SFI1: variants seen among roughly 807,000 people sequenced by gnomAD.
SFI1 encodes protein SFI1 homolog.
Under a neutral mutation model 207.5 loss-of-function variants are expected in SFI1, and 195 were observed. The observed-to-expected ratio is 0.94, with a 90% CI of 0.84 to 1.06. The LOEUF is 1.06. SFI1 is among the 50% of genes least tolerant of loss of function. SFI1 has a pLI of 0.00. For missense variants in SFI1, 1,634 were observed against 1,588.0 expected, an observed-to-expected ratio of 1.03 and a Z score of -0.49; for synonymous variants, 630 against 598.9, an observed-to-expected ratio of 1.05 and a Z score of -0.76.
intron 22 of SFI1, 24 bp downstream of exon 22, chr22:31,608,057 T>C (rs1450329759): frequency 6.3e-7 from 1 of 1,592,786 alleles, no homozygotes; most frequent in South Asian, 1.1e-5. Flanking sequence ...CAGAAGCAAG[T>C]CATGTTGAGG....
At chr22:31,602,400 C>A in intron 16 of SFI1, 107 bp downstream of exon 16, 1 of 1,233,148 alleles carries the variant, frequency 8.1e-7, no homozygotes, top group Non-Finnish European at 1.2e-6. Context: ...CACTGGAGGG[C>A]CCCTGCCTGT....
intron 1 of SFI1, among the ~76,000 whole-genome samples, chr22:31,499,319 C>T (rs1480753140): frequency 6.6e-6 from 1 of 152,096 alleles, no homozygotes; most frequent in Non-Finnish European, 1.5e-5. Flanking sequence ...CTCAGCCTCC[C>T]GAGTAGCTGG....
rs1361782349 is a variant in SFI1 at position 31,532,390 on chromosome 22, A to G, written c.338+1261A>G. 5.3e-5 allele frequency among the ~76,000 whole-genome samples: 8 copies of G among 152,190 alleles called. No homozygotes were observed. In the East Asian group the frequency reaches 1.3e-3, roughly 26 times the overall value. ...GTGGACTGCAAGAGAGAGTCACAGG[A>G]GTCAGGGACACCATACAGAAGGCAG... On this transcript the variant is annotated intron_variant, in intron 4 of 32. Coordinates refer to ENST00000400288, the MANE Select transcript of SFI1 (RefSeq NM_001007467.3).
chr22:31,607,458 C>T (rs2069238047), intron 21 of SFI1, among the ~76,000 whole-genome samples: 1 of 151,766 alleles, frequency 6.6e-6, no homozygotes, highest in South Asian at 2.1e-4. Context: ...CAGAAATTAG[C>T]TGGGTGTGGT....
chr22:31,565,367 TGAGG>T (rs2062183374), intron 8 of SFI1, among the ~76,000 whole-genome samples: 1 of 151,844 alleles, frequency 6.6e-6, no homozygotes, highest in Non-Finnish European at 1.5e-5. Context: ...GTCAAGTGTT[TGAGG>T]CTAGCCTGGG....
chr22:31,510,201 T>G (rs550122706), intron 2 of SFI1, among the ~76,000 whole-genome samples: 1 of 151,862 alleles, frequency 6.6e-6, no homozygotes, highest in South Asian at 2.1e-4. Context: ...GTAGGAAAAA[T>G]TATTTATTTT....
intron 10 of SFI1, chr22:31,578,152 C>T (rs925202391): frequency 1.1e-5 from 4 of 350,014 alleles, no homozygotes; most frequent in African/African-American, 2.1e-5. Context: ...CGTCTCATCT[C>T]ATGGGCATTC....
intron 15 of SFI1, among the ~76,000 whole-genome samples, chr22:31,598,484 G>A (rs28838399): frequency 0.22 from 32,829 of 149,648 alleles, 4,411 homozygotes; most frequent in East Asian, 0.4. Context: ...CAGTGGCGCT[G>A]TCTCAGCTCA....
chr22:31,537,182 G>C (rs1006356086), intron 4 of SFI1, among the ~76,000 whole-genome samples: 2 of 152,124 alleles, frequency 1.3e-5, no homozygotes, highest in Non-Finnish European at 2.9e-5. Flanking sequence ...TGTCCTCATA[G>C]GTAACACTTC....
At chr22:31,571,479 ATT>A (rs976100643) in intron 8 of SFI1, among the ~76,000 whole-genome samples, 8 of 142,294 alleles carry the variant, frequency 5.6e-5, no homozygotes, top group Non-Finnish European at 7.7e-5. Context: ...TGCCTGGCTA[ATT>A]TTTTTTTTTT....
chr22:31,557,792 A>G (rs1018796661), intron 7 of SFI1, among the ~76,000 whole-genome samples: 19 of 152,166 alleles, frequency 1.2e-4, no homozygotes, highest in African/African-American at 4.1e-4. Flanking sequence ...GGGCTCACCC[A>G]CCCATGCTCT....
chr22:31,564,024 C>T (rs920040366), intron 8 of SFI1, among the ~76,000 whole-genome samples: 2 of 151,638 alleles, frequency 1.3e-5, no homozygotes, highest in Admixed American at 1.3e-4. Flanking sequence ...ATATAAAACA[C>T]TTAGAAAAAT....
chr22:31,604,180 G>A (rs2068573012), intron 18 of SFI1, 129 bp from the exon 19 acceptor site: 8 of 706,546 alleles, frequency 1.1e-5, no homozygotes, highest in Middle Eastern at 2.5e-4. Flanking sequence ...TAAGAAGCAC[G>A]TATTTATAGA....
At chr22:31,595,538 C>T (rs1012995971) in intron 15 of SFI1, among the ~76,000 whole-genome samples, 1 of 152,210 alleles carries the variant, frequency 6.6e-6, no homozygotes, top group African/African-American at 2.4e-5. Context: ...GTGCTTTCTT[C>T]TTGATCAAGA....
rs1159366460 is a variant in SFI1 at position 31,608,118 on chromosome 22, TCTC to T, written c.2254+92_2254+94del. 2.3e-5 allele frequency: 24 copies of T among 1,052,510 alleles called. No homozygotes were observed. In the East Asian group the frequency reaches 3.5e-4, roughly 15 times the overall value. 65.2% of individuals were successfully genotyped at this position (1,052,510 alleles called of 1,614,324 possible). A position where few individuals can be genotyped will look rare whatever the true frequency, so the allele number is the denominator to read the frequency against. ...GATCCCTGTGGCCCGCATAAGTCTG[TCTC>T]CTCCTCATACATGCCAGTTCCCTGT... On this transcript the variant is annotated intron_variant, in intron 22 of 32. Transcript: ENST00000400288.
At chr22:31,554,212 T>TAA (rs2060937506) in intron 6 of SFI1, among the ~76,000 whole-genome samples, 1 of 152,176 alleles carries the variant, frequency 6.6e-6, no homozygotes, top group African/African-American at 2.4e-5. Context: ...CACAAAGATT[T>TAA]CCTCTTATGT....
At chr22:31,553,836 A>ATTTTTT (rs1201513765) in intron 6 of SFI1, among the ~76,000 whole-genome samples, 23 of 21,970 alleles carry the variant, frequency 1.0e-3, no homozygotes, top group African/African-American at 2.7e-3. Context: ...TTAATGGATT[A>ATTTTTT]TGTTTTTTTT....
At chr22:31,571,060 G>T (rs2062893293) in intron 8 of SFI1, among the ~76,000 whole-genome samples, 1 of 152,212 alleles carries the variant, frequency 6.6e-6, no homozygotes, top group African/African-American at 2.4e-5. Context: ...AGAAAGATTA[G>T]AAAATAGCTC....
intron 12 of SFI1, among the ~76,000 whole-genome samples, chr22:31,581,597 A>T (rs2064189481): frequency 1.3e-5 from 2 of 152,070 alleles, no homozygotes; most frequent in African/African-American, 4.8e-5. Context: ...CGGCCCCAAT[A>T]GGAGGCTTTG....
Sources: gnomAD v4.1 joint callset for allele counts (sites outside exome capture counted in the v4.1 genomes callset) on GRCh38, gnomAD v4.1.1 for gene constraint, MANE v1.5 for transcripts, NCBI Gene and HGNC (gene_info 2026-07-23, HGNC 2026-07-21) for gene names.